The following CNTN4 variants were observed in gnomAD, a reference collection of about 807,000 sequenced individuals.
CNTN4 encodes the protein contactin-4.
A neutral mutation model predicts 122.5 loss-of-function variants in CNTN4; 77 were observed. The ratio of observed to expected loss-of-function variants is 0.63; its 90% confidence interval spans 0.52 to 0.76. The LOEUF is 0.76. Ranked by LOEUF, CNTN4 falls within the 30% of genes least tolerant of loss-of-function variation. CNTN4 has a pLI of 0.00. For synonymous variants in CNTN4, 512 were observed against 447.0 expected, an observed-to-expected ratio of 1.15 and a Z score of -1.83; for missense variants, 1,256 against 1,259.1, an observed-to-expected ratio of 1.00 and a Z score of 0.04.
At chr3:2,356,794 T>C (rs552234332) in intron 3 of CNTN4, among the ~76,000 whole-genome samples, 2 of 152,290 alleles carry the variant, frequency 1.3e-5, no homozygotes, top group Non-Finnish European at 2.9e-5. Context: ...CAGGAACTTA[T>C]TACAGGCAAA....
At chr3:2,865,243 T>A (rs1253688275) in intron 7 of CNTN4, among the ~76,000 whole-genome samples, 2 of 152,196 alleles carry the variant, frequency 1.3e-5, no homozygotes, top group Non-Finnish European at 1.5e-5. Context: ...TGTGGAAATG[T>A]TATAATCCAG....
chr3:2,307,708 G>A (rs1442720210), intron 2 of CNTN4, among the ~76,000 whole-genome samples: 1 of 151,968 alleles, frequency 6.6e-6, no homozygotes, highest in Non-Finnish European at 1.5e-5. Context: ...TATTAATATG[G>A]TGTGCTACAT....
chr3:2,245,120 A>G (rs893945161), intron 2 of CNTN4, among the ~76,000 whole-genome samples: 2 of 152,030 alleles, frequency 1.3e-5, no homozygotes, highest in Non-Finnish European at 2.9e-5. Flanking sequence ...ACTGTTTCAA[A>G]CAGAATTGTT....
chr3:2,392,463 T>A (rs2046475313), intron 3 of CNTN4, among the ~76,000 whole-genome samples: 1 of 152,222 alleles, frequency 6.6e-6, no homozygotes. Context: ...ACAGTCTTCA[T>A]GTTCAAGGAG....
At chr3:2,167,903 C>A (rs1194120467) in intron 2 of CNTN4, among the ~76,000 whole-genome samples, 1 of 152,116 alleles carries the variant, frequency 6.6e-6, no homozygotes, top group Admixed American at 6.6e-5. Context: ...TGCCTGTAAT[C>A]CCTGAAGCAG....
rs529951216 is a variant in CNTN4, at chr3:2,916,974, G to A, written c.1208-8655G>A. On this transcript the variant is annotated intron_variant, in intron 12 of 24. Coordinates refer to ENST00000418658, the MANE Select transcript of CNTN4 (RefSeq NM_175607.3). Reference sequence around the variant, plus strand: ...GCGGCTGGGAGGTGGAGGTTGCAGCGAGCCGAGATCACGCCACTGCACTCC... The same window carrying A: ...GCGGCTGGGAGGTGGAGGTTGCAGCAAGCCGAGATCACGCCACTGCACTCC... Among the ~76,000 whole-genome samples, 36 of 132,830 alleles carry A rather than the reference G, an allele frequency of 2.7e-4. 2 individuals are homozygous for A. Among genetic ancestry groups the A allele is most frequent in the Admixed American group, 1.9e-3 (24 of 12,842 alleles). 87.1% of individuals were successfully genotyped at this position (132,830 alleles called of 152,430 possible). A position where few individuals can be genotyped will look rare whatever the true frequency, so the allele number is the denominator to read the frequency against.
intron 2 of CNTN4, among the ~76,000 whole-genome samples, chr3:2,306,593 T>C (rs2042716068): frequency 6.6e-6 from 1 of 152,190 alleles, no homozygotes; most frequent in Non-Finnish European, 1.5e-5. Context: ...GATGTTTCAG[T>C]TACTTGGAGC....
chr3:2,328,431 G>C (rs2096191520), intron 2 of CNTN4, among the ~76,000 whole-genome samples: 1 of 152,172 alleles, frequency 6.6e-6, no homozygotes, highest in African/African-American at 2.4e-5. Flanking sequence ...AAAAAACACA[G>C]TTTTCCCCAG....
At chr3:2,314,483 T>G (rs1322282322) in intron 2 of CNTN4, among the ~76,000 whole-genome samples, 1 of 151,928 alleles carries the variant, frequency 6.6e-6, no homozygotes, top group Non-Finnish European at 1.5e-5. Context: ...TGTATAAATG[T>G]GGATTATATG....
At chr3:2,129,324 G>A (rs901522184) in intron 2 of CNTN4, among the ~76,000 whole-genome samples, 1 of 150,972 alleles carries the variant, frequency 6.6e-6, no homozygotes, top group Non-Finnish European at 1.5e-5. Context: ...GGCATTGGGT[G>A]CAGCTATTTG....
At chr3:2,599,110 G>A (rs2080906999) in intron 4 of CNTN4, among the ~76,000 whole-genome samples, 4 of 152,146 alleles carry the variant, frequency 2.6e-5, no homozygotes, top group Admixed American at 2.6e-4. Context: ...GTAAGACTGG[G>A]AAAATGTATG....
intron 4 of CNTN4, among the ~76,000 whole-genome samples, chr3:2,586,938 C>T (rs1466894676): frequency 6.6e-6 from 1 of 152,090 alleles, no homozygotes; most frequent in East Asian, 1.9e-4. Context: ...TTCTCCCTTC[C>T]TCCTTCCCTC....
At chr3:2,443,385 T>G (rs2048508228) in intron 3 of CNTN4, among the ~76,000 whole-genome samples, 1 of 152,166 alleles carries the variant, frequency 6.6e-6, no homozygotes, top group African/African-American at 2.4e-5. Flanking sequence ...TCTTGCAGGA[T>G]ACCTGAATTT....
chr3:2,120,091 AGAGCTT>A (rs1484117083), intron 2 of CNTN4, among the ~76,000 whole-genome samples: 2 of 151,956 alleles, frequency 1.3e-5, no homozygotes, highest in Non-Finnish European at 2.9e-5. Context: ...TAGGTAAGTA[AGAGCTT>A]GACTCATAAC....
At chr3:2,605,992 G>A (rs946348255) in intron 4 of CNTN4, among the ~76,000 whole-genome samples, 3 of 152,196 alleles carry the variant, frequency 2.0e-5, no homozygotes, top group Non-Finnish European at 4.4e-5. Flanking sequence ...GCTAAGGCCT[G>A]AGCCAAGAGG....
At chr3:3,025,554 G>A (rs1698657889) in intron 14 of CNTN4, among the ~76,000 whole-genome samples, 1 of 151,990 alleles carries the variant, frequency 6.6e-6, no homozygotes, top group Non-Finnish European at 1.5e-5. Flanking sequence ...AAAGACTGGG[G>A]GAAATTATAC....
intron 4 of CNTN4, among the ~76,000 whole-genome samples, chr3:2,625,704 T>C (rs2082158022): frequency 6.6e-6 from 1 of 152,222 alleles, no homozygotes. Flanking sequence ...TATTTGTGAA[T>C]TGGTATTCTA....
chr3:2,429,350 C>G (rs2047969441), intron 3 of CNTN4, among the ~76,000 whole-genome samples: 1 of 152,214 alleles, frequency 6.6e-6, no homozygotes, highest in Non-Finnish European at 1.5e-5. Flanking sequence ...AGGTCCACTC[C>G]AGACCCTGTT....
chr3:2,884,322 C>G (rs2093945354), intron 9 of CNTN4, among the ~76,000 whole-genome samples: 1 of 152,062 alleles, frequency 6.6e-6, no homozygotes, highest in South Asian at 2.1e-4. Flanking sequence ...AGAAGAGGTT[C>G]CTTTTTCCAT....
Sources: allele counts gnomAD v4.1 joint callset (sites outside exome capture counted in the v4.1 genomes callset), GRCh38; gene constraint gnomAD v4.1.1; transcripts MANE v1.5; gene names NCBI Gene and HGNC (gene_info 2026-07-23, HGNC 2026-07-21).